GNB2: variants seen among roughly 807,000 people sequenced by gnomAD.
GNB2 encodes G protein subunit beta 2, also known as guanine nucleotide-binding protein G(I)/G(S)/G(T) subunit beta-2.
A neutral mutation model predicts 40.7 loss-of-function variants in GNB2; 7 were observed. The ratio of observed to expected loss-of-function variants is 0.17; its 90% CI spans 0.10 to 0.32. The LOEUF (loss-of-function observed/expected upper bound fraction) is 0.32, where lower values mean the gene tolerates loss of function less well. Among genes scored for constraint, GNB2 ranks in the 10% least tolerant of loss-of-function variants. The pLI, the probability that GNB2 is intolerant of heterozygous loss-of-function variation, is 1.00. For synonymous variants in GNB2, 254 were observed against 191.2 expected, an observed-to-expected ratio of 1.33 and a Z score of -2.71; for missense variants, 286 against 473.0, an observed-to-expected ratio of 0.60 and a Z score of 3.67.
chr7:100,678,193 C>G lies in GNB2; in HGVS notation c.593C>G (p.Thr198Arg). The stretch of plus-strand genomic sequence containing the variant: ...CTGTCCCTGGCCCCCGATGGCCGCA[C>G]GTTTGTGTCAGGCGCCTGTGATGCC... ...MSLSLAPDGR[T>R]FVSGACDASI... The change falls in exon 8 of 10, where the codon ACG becomes AGG. Residue 198 changes from threonine (T) to arginine (R), a missense_variant. Physicochemically the swap from Thr to Arg is moderately conservative, Grantham distance 71. Coordinates refer to ENST00000303210, the MANE Select transcript of GNB2 (RefSeq NM_005273.4). 1.2e-6 allele frequency: 2 copies of G among 1,613,794 alleles called. No individual in the cohort carries two copies. The highest frequency in any genetic ancestry group is 1.7e-6 in the Non-Finnish European group (2 of 1,179,656).
chr7:100,678,880 G>A lies in GNB2; in HGVS notation c.*79G>A, dbSNP rs145589084. The stretch of plus-strand genomic sequence containing the variant: ...TACAGGCCAGGGCTGCGGGGCTGGC[G>A]CAATCCCAGCCCCCTTCCCCGGGCC... On this transcript the variant is annotated 3_prime_UTR_variant, in exon 10 of 10. Coordinates refer to ENST00000303210, the MANE Select transcript of GNB2 (RefSeq NM_005273.4). The A allele has an allele frequency of 8.4e-4, 935 of 1,113,604 alleles. 9 individuals are homozygous for A. In the African/African-American group the frequency reaches 0.013, roughly 15 times the overall value. The allele number at this position is 1,113,604 out of a possible 1,614,324, so 69.0% of individuals were successfully genotyped here.
In GNB2 at chr7:100,678,948, T is replaced by TC. The variant is rs920564081; in HGVS notation, c.*150dup. On this transcript the variant is annotated 3_prime_UTR_variant, in exon 10 of 10. Transcript: ENST00000303210. ...TGCCCTCCCACCCAGGTTTGGTTCC[T>TC]CCCGGGGCCCCCACTGTGGAGATAA... 5 of 638,580 alleles carry TC rather than the reference T, an allele frequency of 7.8e-6. No homozygotes were observed. Among genetic ancestry groups the TC allele is most frequent in the African/African-American group, 7.4e-5 (4 of 54,264 alleles). 39.6% of individuals were successfully genotyped at this position (638,580 alleles called of 1,614,324 possible).
In GNB2 at chr7:100,677,656, C is replaced by T. The variant is rs1338604027; in HGVS notation, c.426C>T (p.His142=). Reference sequence around the variant, plus strand: ...GGGTCAGCCGGGAGCTGCCTGGCCACACTGGTGAGGGGCCTGGCCCAGTTC... The same window carrying T: ...GGGTCAGCCGGGAGCTGCCTGGCCATACTGGTGAGGGGCCTGGCCCAGTTC... ...NVRVSRELPG[H]TGYLSCCRFL... is the part of the protein sequence containing the mutation. The change falls in exon 6 of 10, where the codon CAC becomes CAT. Residue 142 remains histidine (H), a synonymous_variant. Transcript: ENST00000303210. The T allele has an allele frequency of 1.2e-6, 2 of 1,613,428 alleles. No individual in the cohort carries two copies. The highest frequency in any genetic ancestry group is 2.2e-5 in the South Asian group (2 of 91,074).
Position 100,677,550 on chromosome 7 carries a change from C to T in GNB2, c.320C>T (p.Pro107Leu). 1.2e-6 allele frequency: 2 copies of T among 1,613,538 alleles called. No homozygotes were observed. The highest frequency in any genetic ancestry group is 1.7e-6 in the Non-Finnish European group (2 of 1,180,014). ...TGGGTAATGACCTGTGCCTACGCGC[C>T]CTCAGGGAACTTTGTGGCCTGTGGG... The part of the protein sequence containing the change: ...SSWVMTCAYA[P>L]SGNFVACGGL... Residue 107 changes from proline (P) to leucine (L), a missense_variant, in exon 6 of 10, where the codon CCC becomes CTC. Transcript: ENST00000303210.
chr7:100,676,211 G>A lies in GNB2; in HGVS notation c.-55G>A. 9.3e-7 allele frequency: 1 copy of A among 1,071,570 alleles called. No homozygotes were observed. The highest frequency in any genetic ancestry group is 1.6e-5 in the African/African-American group (1 of 63,922). 66.4% of individuals were successfully genotyped at this position (1,071,570 alleles called of 1,614,324 possible). On this transcript the variant is annotated 5_prime_UTR_variant, in exon 2 of 10. Coordinates refer to ENST00000303210, the MANE Select transcript of GNB2 (RefSeq NM_005273.4). The stretch of plus-strand genomic sequence containing the variant: ...CAGCGGCCAGGAGCTGCCTCCCCCA[G>A]CCCCCGTCCCGCGGCCCCCAGCCGC...
rs926858605 is a variant in GNB2, at chr7:100,679,153, C to T, written c.*352C>T. The T allele has an allele frequency of 3.9e-5, 8 of 205,084 alleles. No individual in the cohort carries two copies. The highest frequency in any genetic ancestry group is 8.0e-5 in the Non-Finnish European group (8 of 100,194). The allele number at this position is 205,084 out of a possible 1,614,324, so 12.7% of individuals were successfully genotyped here. A position where few individuals can be genotyped will look rare whatever the true frequency, so the allele number is the denominator to read the frequency against. ...TATTTTCAGTTTTTCCATAAAGGAG[C>T]CAATTCCAACTCTGTACCTGGTCTC... On this transcript the variant is annotated 3_prime_UTR_variant, in exon 10 of 10. Transcript: ENST00000303210.
At position 100,677,693 on chromosome 7, in the gene GNB2, G is replaced by A. The variant is rs183287400; in HGVS notation, c.430+33G>A. On this transcript the variant is annotated intron_variant, in intron 6 of 9. Transcript: ENST00000303210. ...GCCTGGCCCAGTTCGGGCCCTTTTTGGGGTTGGGGGGTGCACTGCCCTCCG... is the reference window on the plus strand; with the variant it reads ...GCCTGGCCCAGTTCGGGCCCTTTTTAGGGTTGGGGGGTGCACTGCCCTCCG... 7.5e-4 allele frequency: 1,217 copies of A among 1,612,892 alleles called. 12 individuals are homozygous for A. The African/African-American group carries it at 0.014, about 19-fold the overall frequency.
Position 100,677,508 on chromosome 7 carries a change from T to G in GNB2, c.278T>G (p.Ile93Ser). ...TCCCCTGCTCCGCAGGTCCACGCCATCCCGCTGCGCTCCTCCTGGGTAATG... is the reference window on the plus strand; with the variant it reads ...TCCCCTGCTCCGCAGGTCCACGCCAGCCCGCTGCGCTCCTCCTGGGTAATG... ...DSYTTNKVHA[I>S]PLRSSWVMTC... The change falls in exon 6 of 10, where the codon ATC becomes AGC. Residue 93 changes from isoleucine (I) to serine (S), a missense_variant. Transcript: ENST00000303210. 2 of 1,613,454 alleles carry G rather than the reference T, an allele frequency of 1.2e-6. No homozygotes were observed. The highest frequency in any genetic ancestry group is 1.7e-6 in the Non-Finnish European group (2 of 1,179,948).
Position 100,678,687 on chromosome 7 carries a change from C to T in GNB2, c.917-8C>T, listed in dbSNP as rs371780069. On this transcript the variant is annotated splice_polypyrimidine_tract_variant and splice_region_variant and intron_variant, in intron 9 of 9. Transcript: ENST00000303210. ...CCCAATGGGTTCTGACTTCTCTCTT[C>T]TTCACAGGAGTCCTCGCTGGCCACG... is the stretch of plus-strand genomic sequence containing the variant. 16 of 1,611,996 alleles carry T rather than the reference C, an allele frequency of 9.9e-6. No homozygotes were observed. Among genetic ancestry groups the T allele is most frequent in the Non-Finnish European group, 1.4e-5 (16 of 1,178,924 alleles).
intron 4 of GNB2, 194 bp downstream of exon 4, chr7:100,676,993 G>T (rs140189711): frequency 7.0e-5 from 42 of 599,060 alleles, no homozygotes; most frequent in Middle Eastern, 4.5e-4. Flanking sequence ...TGCAGCTGGA[G>T]ACTGTCTCTC....
In GNB2 at chr7:100,676,776, C is replaced by G; in HGVS notation, c.180C>G (p.Ala60=). The change falls in exon 4 of 10, where the codon GCC becomes GCG. Residue 60 remains alanine (A), a synonymous_variant. Transcript: ENST00000303210. The part of the protein sequence containing the change: ...TLRGHLAKIY[A]MHWGTDSRLL... ...GTGGGCACCTGGCAAAGATCTATGCCATGCACTGGGGGACCGACTCAAGGT... is the reference window on the plus strand; with the variant it reads ...GTGGGCACCTGGCAAAGATCTATGCGATGCACTGGGGGACCGACTCAAGGT... 6.3e-7 allele frequency: 1 copy of G among 1,591,464 alleles called. No individual in the cohort carries two copies.
chr7:100,677,918 C>T (rs567089505), intron 7 of GNB2, 100 bp downstream of exon 7: 16 of 1,156,372 alleles, frequency 1.4e-5, no homozygotes, highest in Non-Finnish European at 1.8e-5. Flanking sequence ...CCGTAGCCTC[C>T]CTCTCCTGGT....
chr7:100,677,321 C>T (rs752927169), intron 4 of GNB2, 31 bp from the exon 5 acceptor site: 2 of 1,590,550 alleles, frequency 1.3e-6, no homozygotes, highest in East Asian at 2.2e-5. Context: ...TCACGCCACC[C>T]TTCTGCTCTC....
In GNB2 at chr7:100,679,051, T is replaced by G. The variant is rs1804438385; in HGVS notation, c.*250T>G. ...TGCCCTGGGGTTGGGGCCTCACCCC[T>G]CTGGAGGGCCGGAGGCAGGAGGTGG... On this transcript the variant is annotated 3_prime_UTR_variant, in exon 10 of 10. Transcript: ENST00000303210. 8.5e-6 allele frequency: 4 copies of G among 470,890 alleles called. No homozygotes were observed. The South Asian group carries it at 1.8e-4, about 21-fold the overall frequency. The allele number at this position is 470,890 out of a possible 1,614,324, so 29.2% of individuals were successfully genotyped here.
Position 100,678,938 on chromosome 7 carries a change from G to A in GNB2, c.*137G>A. 6.0e-6 allele frequency: 4 copies of A among 670,884 alleles called. No homozygotes were observed. The highest frequency in any genetic ancestry group is 1.0e-5 in the Non-Finnish European group (4 of 388,246). 41.6% of individuals were successfully genotyped at this position (670,884 alleles called of 1,614,324 possible). On this transcript the variant is annotated 3_prime_UTR_variant, in exon 10 of 10. Coordinates refer to ENST00000303210, the MANE Select transcript of GNB2 (RefSeq NM_005273.4). Reference sequence around the variant, plus strand: ...CTTGGGTCCCTGCCCTCCCACCCAGGTTTGGTTCCTCCCGGGGCCCCCACT... The same window carrying A: ...CTTGGGTCCCTGCCCTCCCACCCAGATTTGGTTCCTCCCGGGGCCCCCACT...
chr7:100,675,937 TC>T, intron 1 of GNB2: 1 of 333,410 alleles, frequency 3.0e-6, no homozygotes, highest in Non-Finnish European at 5.4e-6. Flanking sequence ...GGGAGGGGTT[TC>T]CCCTGCGCTT....
At chr7:100,677,951 G>T in intron 7 of GNB2, 133 bp downstream of exon 7, 1 of 1,000,024 alleles carries the variant, frequency 1.0e-6, no homozygotes, top group Non-Finnish European at 1.5e-6. Context: ...GGTCAGGGAG[G>T]GATGCGTCCC....
At position 100,676,214 on chromosome 7, in the gene GNB2, C is replaced by T; in HGVS notation, c.-52C>T. Reference sequence around the variant, plus strand: ...CGGCCAGGAGCTGCCTCCCCCAGCCCCCGTCCCGCGGCCCCCAGCCGCCCC... The same window carrying T: ...CGGCCAGGAGCTGCCTCCCCCAGCCTCCGTCCCGCGGCCCCCAGCCGCCCC... On this transcript the variant is annotated 5_prime_UTR_variant, in exon 2 of 10. Transcript: ENST00000303210. 8.6e-7 allele frequency: 1 copy of T among 1,168,488 alleles called. No homozygotes were observed. Among genetic ancestry groups the T allele is most frequent in the African/African-American group, 1.5e-5 (1 of 65,970 alleles). The allele number at this position is 1,168,488 out of a possible 1,614,324, so 72.4% of individuals were successfully genotyped here. A position where few individuals can be genotyped will look rare whatever the true frequency, so the allele number is the denominator to read the frequency against.
At position 100,678,444 on chromosome 7, in the gene GNB2, C is replaced by T. The variant is rs1193860550; in HGVS notation, c.746C>T (p.Thr249Met). Reference protein sequence around the residue: ...YAFTTGSDDATCRLFDLRADQ... With the variant: ...YAFTTGSDDAMCRLFDLRADQ... ...TTCACCACCGGCTCTGACGACGCCA[C>T]GTGCCGCCTCTTCGACCTGCGGGCC... The change falls in exon 9 of 10, where the codon ACG (threonine) becomes ATG (methionine). Residue 249 changes from threonine (T) to methionine (M), a missense_variant. Thr to Met is a moderately conservative substitution (Grantham distance 81, BLOSUM62 -1). Coordinates refer to ENST00000303210, the MANE Select transcript of GNB2 (RefSeq NM_005273.4). 1 of 1,613,714 alleles carries T rather than the reference C, an allele frequency of 6.2e-7. No individual in the cohort carries two copies. Among genetic ancestry groups the T allele is most frequent in the African/African-American group, 1.3e-5 (1 of 75,068 alleles).
Sources: gnomAD v4.1 joint callset for allele counts on GRCh38, gnomAD v4.1.1 for gene constraint, MANE v1.5 for transcripts, NCBI Gene and HGNC (gene_info 2026-07-23, HGNC 2026-07-21) for gene names.